The following TTC28 variants were observed in gnomAD, a reference collection of about 807,000 sequenced individuals.
The protein encoded by TTC28 is tetratricopeptide repeat protein 28.
Under a neutral mutation model 198.0 loss-of-function variants are expected in TTC28, and 61 were observed. The observed-to-expected ratio is 0.31, with a 90% CI of 0.25 to 0.38. TTC28 has a LOEUF of 0.38. Among genes scored for constraint, TTC28 ranks in the 10% least tolerant of loss-of-function variants. The pLI is 1.00. For missense variants in TTC28, 2,678 were observed against 3,164.0 expected (o/e 0.85, Z 3.69); for synonymous variants, 1,171 against 1,297.8 (o/e 0.90, Z 2.10).
intron 2 of TTC28, among the ~76,000 whole-genome samples, chr22:28,607,469 G>A (rs1436564893): frequency 6.6e-6 from 1 of 151,826 alleles, no homozygotes; most frequent in Non-Finnish European, 1.5e-5. Flanking sequence ...TCTATACAAA[G>A]CTGAAAAACT....
At chr22:28,230,682 A>T (rs114386054) in intron 5 of TTC28, among the ~76,000 whole-genome samples, 251 of 152,324 alleles carry the variant, frequency 1.6e-3, no homozygotes, top group Middle Eastern at 0.01. Context: ...ATTTTCCCTT[A>T]GACGTATATC....
intron 5 of TTC28, among the ~76,000 whole-genome samples, chr22:28,290,633 C>G (rs77908247): frequency 0.021 from 3,250 of 152,226 alleles, 33 homozygotes; most frequent in Non-Finnish European, 0.027. Flanking sequence ...CAATGAGGGC[C>G]TGGCGTGGTC....
At chr22:28,014,547 C>T (rs994773114) in intron 13 of TTC28, among the ~76,000 whole-genome samples, 155 bp from the exon 14 acceptor site, 1 of 152,188 alleles carries the variant, frequency 6.6e-6, no homozygotes, top group East Asian at 1.9e-4. Context: ...CCTTCTCTTC[C>T]CTTTCAGGTA....
At chr22:28,275,862 G>GT (rs1212607450) in intron 5 of TTC28, among the ~76,000 whole-genome samples, 11 of 152,134 alleles carry the variant, frequency 7.2e-5, no homozygotes, top group Non-Finnish European at 1.5e-4. Flanking sequence ...GTGGGAGCTG[G>GT]TAAGTTTGGT....
chr22:28,658,517 C>T (rs1210776239), intron 1 of TTC28, among the ~76,000 whole-genome samples: 1 of 152,104 alleles, frequency 6.6e-6, no homozygotes. Flanking sequence ...AGAATGGTGG[C>T]TGCCAGAGGC....
At chr22:28,387,208 G>A (rs187091447) in intron 2 of TTC28, among the ~76,000 whole-genome samples, 189 of 152,296 alleles carry the variant, frequency 1.2e-3, no homozygotes, top group Admixed American at 2.7e-3. Context: ...ATTCCATGGT[G>A]TACATGTGCC....
chr22:28,622,195 C>T (rs1488235086), intron 2 of TTC28, among the ~76,000 whole-genome samples: 4 of 152,040 alleles, frequency 2.6e-5, no homozygotes, highest in African/African-American at 9.7e-5. Flanking sequence ...TTTTTCTGGC[C>T]TGAGGAACTA....
chr22:28,360,432 C>A (rs953637241), intron 2 of TTC28, among the ~76,000 whole-genome samples: 2 of 152,184 alleles, frequency 1.3e-5, no homozygotes, highest in Non-Finnish European at 2.9e-5. Context: ...ATTATTTTTA[C>A]ACAAATTTAA....
intron 2 of TTC28, among the ~76,000 whole-genome samples, chr22:28,512,465 T>C (rs954363073): frequency 2.0e-5 from 3 of 152,164 alleles, no homozygotes; most frequent in Non-Finnish European, 4.4e-5. Context: ...ATTATAAAGA[T>C]ACATGTATGT....
chr22:28,283,804 C>T (rs2044629264), intron 5 of TTC28, among the ~76,000 whole-genome samples: 1 of 152,126 alleles, frequency 6.6e-6, no homozygotes, highest in Admixed American at 6.5e-5. Context: ...TCACCTTAGC[C>T]TCCCAAGTAG....
chr22:28,358,177 G>C (rs1049071536), intron 2 of TTC28, among the ~76,000 whole-genome samples: 1 of 152,098 alleles, frequency 6.6e-6, no homozygotes, highest in Non-Finnish European at 1.5e-5. Flanking sequence ...AGCAAGAATA[G>C]AGCATTTTTT....
chr22:27,987,105 G>A (rs1937239618), intron 21 of TTC28, among the ~76,000 whole-genome samples: 1 of 152,190 alleles, frequency 6.6e-6, no homozygotes, highest in Admixed American at 6.5e-5. Flanking sequence ...CCTCTCTCCA[G>A]ATGACAGGCC....
At chr22:28,671,500 T>C (rs937833102) in intron 1 of TTC28, among the ~76,000 whole-genome samples, 3 of 151,408 alleles carry the variant, frequency 2.0e-5, no homozygotes, top group African/African-American at 7.3e-5. Context: ...CCAGGCGTGG[T>C]GGCGGGAGCC....
At chr22:28,382,333 A>G (rs1432116933) in intron 2 of TTC28, among the ~76,000 whole-genome samples, 1 of 152,182 alleles carries the variant, frequency 6.6e-6, no homozygotes, top group Non-Finnish European at 1.5e-5. Flanking sequence ...ATTATTCTCT[A>G]TTAGACTTGG....
intron 2 of TTC28, among the ~76,000 whole-genome samples, chr22:28,340,882 G>A (rs2045817746): frequency 6.6e-6 from 1 of 152,180 alleles, no homozygotes; most frequent in African/African-American, 2.4e-5. Context: ...AATGACCAAA[G>A]CAGAGAAAAT....
At chr22:28,056,906 G>C (rs1000794364) in intron 12 of TTC28, among the ~76,000 whole-genome samples, 7 of 152,174 alleles carry the variant, frequency 4.6e-5, no homozygotes, top group Admixed American at 3.9e-4. Context: ...ATGCTCTTCT[G>C]GGTAAGGTTC....
At position 27,982,631 on chromosome 22, in the gene TTC28, T is replaced by G. The variant is rs777322921; in HGVS notation, c.7036A>C (p.Lys2346Gln). Residue 2346 changes from lysine (K) to glutamine (Q), a missense_variant, in exon 23 of 23, where the codon AAA becomes CAA. Physicochemically the swap from Lys to Gln is moderately conservative, Grantham distance 53 (BLOSUM62 1). Around this residue, in one of 8 missense-constraint regions of TTC28, gnomAD observed 622 missense variants for 656.0 expected, o/e 0.95. Coordinates refer to ENST00000397906, the MANE Select transcript of TTC28 (RefSeq NM_001145418.2). This position sits in a 1 kb window ranked among gnomAD's most constrained non-coding sequence, Gnocchi z 5.2. ...PADAPDIDKL[K>Q]MAAIDEKVQA... Reference sequence around the variant, plus strand: ...ACCTTTTCATCAATGGCTGCCATTTTCAGTTTGTCTATGTCGGGAGCGTCT... The same window carrying G: ...ACCTTTTCATCAATGGCTGCCATTTGCAGTTTGTCTATGTCGGGAGCGTCT... 3 of 1,551,620 alleles carry G rather than the reference T, an allele frequency of 1.9e-6. No homozygotes were observed.
chr22:28,607,383 T>C (rs2050751926), intron 2 of TTC28, among the ~76,000 whole-genome samples: 1 of 152,228 alleles, frequency 6.6e-6, no homozygotes, highest in Admixed American at 6.5e-5. Context: ...AGTTAGAATA[T>C]AAACTTTTGC....
chr22:28,223,753 A>C (rs1445313823), intron 5 of TTC28, among the ~76,000 whole-genome samples: 1 of 152,228 alleles, frequency 6.6e-6, no homozygotes, highest in East Asian at 1.9e-4. Context: ...ATATCTCAAA[A>C]ATGGAAAATG....
Sources: allele counts gnomAD v4.1 joint callset (sites outside exome capture counted in the v4.1 genomes callset), GRCh38; gene constraint gnomAD v4.1.1; regional missense constraint gnomAD v4.1.1; non-coding constraint Gnocchi (gnomAD v3.1); transcripts MANE v1.5; gene names NCBI Gene and HGNC (gene_info 2026-07-23, HGNC 2026-07-21).